ZNF704: variants seen among roughly 807,000 people sequenced by gnomAD.
ZNF704 encodes glucocorticoid induced gene 1.
ZNF704 carries 10 observed loss-of-function variants against 44.7 expected under a neutral mutation model. The observed-to-expected ratio is 0.22, with a 90% CI of 0.14 to 0.38. ZNF704 has a LOEUF of 0.38. Among genes scored for constraint, ZNF704 ranks in the 10% least tolerant of loss-of-function variants. The pLI is 1.00. For synonymous variants in ZNF704, 211 were observed against 207.6 expected (o/e 1.02, Z -0.14); for missense variants, 390 against 545.5 (o/e 0.71, Z 2.84).
At chr8:80,741,000 C>T (rs1008721310) in intron 2 of ZNF704, among the ~76,000 whole-genome samples, 5 of 152,132 alleles carry the variant, frequency 3.3e-5, no homozygotes, top group Non-Finnish European at 7.3e-5. Context: ...CTCAGCTCTG[C>T]TTACAGCAGG....
At position 80,693,010 on chromosome 8, in the gene ZNF704, G is replaced by A. The variant is rs764752350; in HGVS notation, c.319C>T (p.Pro107Ser). 2.5e-5 allele frequency: 40 copies of A among 1,613,968 alleles called. No individual in the cohort carries two copies. Among genetic ancestry groups the A allele is most frequent in the Non-Finnish European group, 2.5e-5 (30 of 1,179,986 alleles). ...SPLVRSPPVR[P>S]NESLSGSWKE... ...TCCCATATCCTGGGCTTACCGTTCG[G>A]CCGCACGGGAGGACTTCGAACCAAA... Residue 107 changes from proline (P) to serine (S), a missense_variant, in exon 3 of 9, where the codon CCG (proline) becomes TCG (serine). By Grantham distance (74) the Pro-to-Ser change is moderately conservative (BLOSUM62 -1). Coordinates refer to ENST00000327835, the MANE Select transcript of ZNF704 (RefSeq NM_001033723.3).
At chr8:80,836,037 T>C (rs567458737) in intron 1 of ZNF704, among the ~76,000 whole-genome samples, 34 of 152,266 alleles carry the variant, frequency 2.2e-4, no homozygotes, top group African/African-American at 7.5e-4. Context: ...CCGCCTCCCA[T>C]GAACCCCAGT....
At chr8:80,756,622 C>G (rs1377718686) in intron 2 of ZNF704, among the ~76,000 whole-genome samples, 1 of 152,148 alleles carries the variant, frequency 6.6e-6, no homozygotes, top group Non-Finnish European at 1.5e-5. Flanking sequence ...GTTTAACAAC[C>G]TAAAGAACAT....
At position 80,638,663 on chromosome 8, in the gene ZNF704, G is replaced by T. The variant is rs1244474891; in HGVS notation, c.*2703C>A. ...CATAGCTTTCTGGGTGGCCTGTAAG[G>T]AGTATAATCCCTTTTCTTCAAGACC... On this transcript the variant is annotated 3_prime_UTR_variant, in exon 9 of 9. Coordinates refer to ENST00000327835, the MANE Select transcript of ZNF704 (RefSeq NM_001033723.3). 2.6e-5 allele frequency: 4 copies of T among 152,278 alleles called. No individual in the cohort carries two copies. Among genetic ancestry groups the T allele is most frequent in the Non-Finnish European group, 5.9e-5 (4 of 68,040 alleles). The allele number at this position is 152,278 out of a possible 1,614,324, so 9.4% of individuals were successfully genotyped here.
intron 2 of ZNF704, among the ~76,000 whole-genome samples, chr8:80,697,286 G>A (rs753998353): frequency 1.3e-5 from 2 of 152,146 alleles, no homozygotes; most frequent in South Asian, 2.1e-4. Context: ...TCATGAACCC[G>A]GGAGTAAGGT....
chr8:80,676,630 T>G (rs146607422), intron 4 of ZNF704, among the ~76,000 whole-genome samples: 200 of 152,260 alleles, frequency 1.3e-3, no homozygotes, highest in African/African-American at 4.6e-3. Flanking sequence ...TGTATGAAGT[T>G]TGAGGATACT....
chr8:80,784,853 TA>T (rs34458684), intron 2 of ZNF704, among the ~76,000 whole-genome samples: 7,030 of 152,272 alleles, frequency 0.046, 578 homozygotes, highest in African/African-American at 0.16. Context: ...AAGTTATCTT[TA>T]AACATTTTTT....
chr8:80,801,097 C>T (rs1006514251), intron 2 of ZNF704, among the ~76,000 whole-genome samples: 27 of 151,678 alleles, frequency 1.8e-4, no homozygotes, highest in African/African-American at 5.3e-4. Flanking sequence ...GTAAAGCATT[C>T]GGATTCAACA....
chr8:80,842,057 A>C (rs988054471), intron 1 of ZNF704, among the ~76,000 whole-genome samples: 1 of 152,154 alleles, frequency 6.6e-6, no homozygotes, highest in Non-Finnish European at 1.5e-5. Context: ...TCTGCCTCCC[A>C]AAGTGTTAGG....
chr8:80,672,520 G>A (rs1818298189), intron 4 of ZNF704, among the ~76,000 whole-genome samples: 2 of 152,064 alleles, frequency 1.3e-5, no homozygotes, highest in Non-Finnish European at 1.5e-5. Flanking sequence ...ATCAACCTAG[G>A]TGTCAGTGTA....
chr8:80,680,938 A>T (rs895560782), intron 4 of ZNF704, among the ~76,000 whole-genome samples: 1 of 152,220 alleles, frequency 6.6e-6, no homozygotes, highest in East Asian at 1.9e-4. Context: ...CAAAATTAAC[A>T]AAACAGTTCT....
At chr8:80,857,531 C>T (rs1808983239) in intron 1 of ZNF704, among the ~76,000 whole-genome samples, 1 of 152,072 alleles carries the variant, frequency 6.6e-6, no homozygotes, top group South Asian at 2.1e-4. Flanking sequence ...CAGTGAATTA[C>T]ACCATTTGAT....
At chr8:80,873,882 A>G (rs1261985486) in intron 1 of ZNF704, among the ~76,000 whole-genome samples, 1 of 143,128 alleles carries the variant, frequency 7.0e-6, no homozygotes, top group Admixed American at 6.9e-5. Flanking sequence ...GGCGGCCTCC[A>G]GCTCTCCGGG....
chr8:80,854,850 C>T (rs1808930703), intron 1 of ZNF704, among the ~76,000 whole-genome samples: 1 of 152,054 alleles, frequency 6.6e-6, no homozygotes, highest in South Asian at 2.1e-4. Context: ...ATTTGTTTGA[C>T]TATTATTTTT....
In ZNF704 at chr8:80,635,845, T is replaced by C. The variant is rs1817656317; in HGVS notation, c.*5521A>G. On this transcript the variant is annotated 3_prime_UTR_variant, in exon 9 of 9. Transcript: ENST00000327835. Reference sequence around the variant, plus strand: ...TAATACCCATTCCATCTGATCTGTATTTCTACCCTTGCTGCAGAGGGTTAA... The same window carrying C: ...TAATACCCATTCCATCTGATCTGTACTTCTACCCTTGCTGCAGAGGGTTAA... 6.6e-6 allele frequency: 1 copy of C among 152,194 alleles called. No homozygotes were observed. Among genetic ancestry groups the C allele is most frequent in the South Asian group, 2.1e-4 (1 of 4,828 alleles). The allele number at this position is 152,194 out of a possible 1,614,324, so 9.4% of individuals were successfully genotyped here.
At chr8:80,646,516 C>G (rs1166334888) in intron 7 of ZNF704, among the ~76,000 whole-genome samples, 2 of 150,974 alleles carry the variant, frequency 1.3e-5, no homozygotes, top group East Asian at 3.9e-4. Flanking sequence ...AAAAATCTAA[C>G]ATTTGGAACC....
At chr8:80,853,346 C>T (rs771622227) in intron 1 of ZNF704, among the ~76,000 whole-genome samples, 1 of 152,112 alleles carries the variant, frequency 6.6e-6, no homozygotes, top group South Asian at 2.1e-4. Flanking sequence ...CCAGCCTGGG[C>T]TACAGAGCAA....
chr8:80,838,846 G>T (rs1808628673), intron 1 of ZNF704, among the ~76,000 whole-genome samples: 1 of 151,736 alleles, frequency 6.6e-6, no homozygotes, highest in African/African-American at 2.4e-5. Context: ...GGAGGAGGAA[G>T]AGGGGAGCAG....
chr8:80,844,538 CA>C (rs1223864785), intron 1 of ZNF704, among the ~76,000 whole-genome samples: 2 of 152,142 alleles, frequency 1.3e-5, no homozygotes, highest in East Asian at 3.9e-4. Flanking sequence ...TTGAAGGACA[CA>C]AACATTCCGT....
Sources: allele counts gnomAD v4.1 joint callset (sites outside exome capture counted in the v4.1 genomes callset), GRCh38; gene constraint gnomAD v4.1.1; transcripts MANE v1.5; gene names NCBI Gene and HGNC (gene_info 2026-07-23, HGNC 2026-07-21).